The following CEP85L variants were observed in gnomAD, a reference collection of about 807,000 sequenced individuals.
CEP85L encodes centrosomal protein 85L, also known as centrosomal protein of 85 kDa-like.
A neutral mutation model predicts 100.3 loss-of-function variants in CEP85L; 60 were observed. The ratio of observed to expected loss-of-function variants is 0.60; its 90% CI spans 0.49 to 0.74. The LOEUF (loss-of-function observed/expected upper bound fraction) is 0.74. Among genes scored for constraint, CEP85L ranks in the 30% least tolerant of loss-of-function variants. CEP85L has a pLI of 0.00. For synonymous variants in CEP85L, 319 were observed against 322.7 expected (o/e 0.99, Z 0.12); for missense variants, 973 against 936.2 (o/e 1.04, Z -0.51).
upstream of CEP85L, among the ~76,000 whole-genome samples, chr6:118,655,773 T>C (rs940082290): frequency 6.6e-6 from 1 of 152,180 alleles, no homozygotes; most frequent in Non-Finnish European, 1.5e-5. Flanking sequence ...GGCAGTGTTA[T>C]TGGGGGAGAA....
At chr6:118,474,834 G>C (rs1363755559) in intron 10 of CEP85L, among the ~76,000 whole-genome samples, 2 of 152,152 alleles carry the variant, frequency 1.3e-5, no homozygotes, top group African/African-American at 4.8e-5. Context: ...TGTCATGAAA[G>C]GCAGTTGACA....
At chr6:118,498,612 ATAG>A (rs1475291026) in intron 5 of CEP85L, among the ~76,000 whole-genome samples, 6 of 128,938 alleles carry the variant, frequency 4.7e-5, no homozygotes, top group Non-Finnish European at 1.0e-4. Context: ...AAAAAAAAAA[ATAG>A]AGAGAGAGAA....
At chr6:118,497,529 A>C (rs1304789782) in intron 5 of CEP85L, among the ~76,000 whole-genome samples, 1 of 152,170 alleles carries the variant, frequency 6.6e-6, no homozygotes, top group Non-Finnish European at 1.5e-5. Flanking sequence ...TATACTATAA[A>C]TGTTATGTGC....
At chr6:118,593,941 G>T (rs1429309424) in intron 2 of CEP85L, among the ~76,000 whole-genome samples, 2 of 152,064 alleles carry the variant, frequency 1.3e-5, no homozygotes, top group Non-Finnish European at 2.9e-5. Flanking sequence ...CTTTTACCTT[G>T]CTGGTTCCTA....
chr6:118,650,424 G>A (rs1775471622), intron 1 of CEP85L, among the ~76,000 whole-genome samples: 1 of 152,164 alleles, frequency 6.6e-6, no homozygotes, highest in Non-Finnish European at 1.5e-5. Context: ...ACGCAAGCAT[G>A]AAATGGCTGT....
chr6:118,536,544 A>C (rs1230963359), intron 3 of CEP85L, among the ~76,000 whole-genome samples: 1 of 152,214 alleles, frequency 6.6e-6, no homozygotes. Flanking sequence ...GAAGGGAAAT[A>C]AAGGCCTCAT....
intron 4 of CEP85L, among the ~76,000 whole-genome samples, chr6:118,523,238 T>C (rs765969230): frequency 2.6e-5 from 4 of 152,352 alleles, no homozygotes; most frequent in Middle Eastern, 3.4e-3. Flanking sequence ...GAAGGTTTAC[T>C]GCTCACAATA....
intron 2 of CEP85L, chr6:118,589,009 G>T: frequency 4.2e-6 from 1 of 237,844 alleles, no homozygotes; most frequent in Non-Finnish European, 9.5e-6. Flanking sequence ...CCTCACTGCC[G>T]CTGCTGCTGT....
chr6:118,689,983 G>A (rs2114305473), intron 1 of CEP85L, among the ~76,000 whole-genome samples: 1 of 150,554 alleles, frequency 6.6e-6, no homozygotes, highest in African/African-American at 2.4e-5. Context: ...GGAACTCCTG[G>A]CCTCAAGCAA....
At chr6:118,530,623 T>C (rs1030228194) in intron 3 of CEP85L, among the ~76,000 whole-genome samples, 1 of 152,164 alleles carries the variant, frequency 6.6e-6, no homozygotes, top group Non-Finnish European at 1.5e-5. Context: ...GAAAACCCCA[T>C]AGTTTCTCTC....
At chr6:118,504,514 T>C (rs1775518825) in intron 5 of CEP85L, among the ~76,000 whole-genome samples, 1 of 152,182 alleles carries the variant, frequency 6.6e-6, no homozygotes, top group South Asian at 2.1e-4. Flanking sequence ...GGAGATGGCA[T>C]GGGATCTCCA....
At chr6:118,697,629 A>G (rs1583270013) in intron 1 of CEP85L, among the ~76,000 whole-genome samples, 1 of 152,218 alleles carries the variant, frequency 6.6e-6, no homozygotes, top group East Asian at 1.9e-4. Context: ...CTGGTAATGG[A>G]GAACTATTCA....
intron 11 of CEP85L, 25 bp downstream of exon 11, chr6:118,470,512 G>A (rs2114430649): frequency 2.8e-6 from 4 of 1,406,188 alleles, no homozygotes; most frequent in Non-Finnish European, 3.9e-6. Flanking sequence ...TCCTTTCAAA[G>A]CAAAATTGAA....
At chr6:118,519,560 GTGTGTGTGTGTGTGTGTGT>G (rs1349276433) in intron 4 of CEP85L, among the ~76,000 whole-genome samples, 3 of 14,866 alleles carry the variant, frequency 2.0e-4, no homozygotes, top group African/African-American at 3.8e-4. Context: ...GTGTGTGTGT[GTGTGTGTGTGTGTGTGTGT>G]GTGGCGGGGG....
chr6:118,469,992 G>C (rs1772821068), intron 11 of CEP85L, among the ~76,000 whole-genome samples: 2 of 152,126 alleles, frequency 1.3e-5, no homozygotes, highest in African/African-American at 2.4e-5. Flanking sequence ...TTTATTGTTA[G>C]TAGCAATAGT....
intron 11 of CEP85L, 125 bp downstream of exon 11, chr6:118,470,412 T>C: frequency 2.1e-6 from 1 of 480,226 alleles, no homozygotes; most frequent in East Asian, 3.4e-5. Context: ...TAAGAAACAA[T>C]GGAATTAATT....
At chr6:118,645,033 C>G (rs1775092587) in intron 1 of CEP85L, among the ~76,000 whole-genome samples, 2 of 152,220 alleles carry the variant, frequency 1.3e-5, no homozygotes, top group African/African-American at 4.8e-5. Context: ...TTCTGACATG[C>G]AGAATAGAAT....
chr6:118,637,829 T>C (rs970276054), intron 1 of CEP85L, among the ~76,000 whole-genome samples: 1 of 146,110 alleles, frequency 6.8e-6, no homozygotes, highest in Non-Finnish European at 1.5e-5. Flanking sequence ...TAAAAATAAA[T>C]AAATAAATAC....
Position 118,616,092 on chromosome 6 carries a change from TATA to T in CEP85L, c.232+16358_232+16360del, listed in dbSNP as rs548855605. Among the ~76,000 whole-genome samples the T allele has an allele frequency of 3.4e-3, 523 of 152,076 alleles. 2 individuals are homozygous for T. The highest frequency in any genetic ancestry group is 0.011 in the African/African-American group (459 of 41,494). On this transcript the variant is annotated intron_variant, in intron 2 of 12. Transcript: ENST00000368491. ...AAATTAACTCAAAATGGATCACAAATATAATAATAAAATATTTAAGAAAAAAAT... is the reference window on the plus strand; with the variant it reads ...AAATTAACTCAAAATGGATCACAAATATAATAAAATATTTAAGAAAAAAAT...
Sources: gnomAD v4.1 joint callset for allele counts (sites outside exome capture counted in the v4.1 genomes callset) on GRCh38, gnomAD v4.1.1 for gene constraint, MANE v1.5 for transcripts, NCBI Gene and HGNC (gene_info 2026-07-23, HGNC 2026-07-21) for gene names.